WNK1: variants seen among roughly 807,000 people sequenced by gnomAD.
The protein encoded by WNK1 is WNK lysine deficient protein kinase 1, also known as serine/threonine-protein kinase WNK1.
A neutral mutation model predicts 222.8 loss-of-function variants in WNK1; 38 were observed. The observed-to-expected ratio is 0.17, with a 90% confidence interval of 0.13 to 0.22. The LOEUF (loss-of-function observed/expected upper bound fraction) is 0.22. Ranked by LOEUF, WNK1 falls within the 10% of genes least tolerant of loss-of-function variation. WNK1 has a pLI of 1.00. For synonymous variants in WNK1, 1,090 were observed against 1,092.9 expected (o/e 1.00, Z 0.05); for missense variants, 2,348 against 2,918.4 (o/e 0.80, Z 4.50).
chr12:809,100 T>G (rs1203994922), intron 1 of WNK1, among the ~76,000 whole-genome samples: 1 of 151,774 alleles, frequency 6.6e-6, no homozygotes, highest in African/African-American at 2.4e-5. Context: ...TCTTCTTGCT[T>G]CTTTGAAACA....
intron 10 of WNK1, 35 bp from the exon 11 acceptor site, chr12:879,538 A>G (rs1045345990): frequency 1.4e-6 from 1 of 719,276 alleles, no homozygotes; most frequent in Non-Finnish European, 2.0e-6. Context: ...TTTTTTTTTT[A>G]AGCCTGTCTG....
At chr12:763,654 G>C (rs1181344467) in intron 1 of WNK1, among the ~76,000 whole-genome samples, 3 of 147,590 alleles carry the variant, frequency 2.0e-5, no homozygotes, top group African/African-American at 7.3e-5. Flanking sequence ...TTTTTGGACA[G>C]TGGGAAGTGA....
At chr12:878,029 C>A in intron 9 of WNK1, 183 bp from the exon 10 acceptor site, 1 of 746,510 alleles carries the variant, frequency 1.3e-6, no homozygotes, top group African/African-American at 1.8e-5. Flanking sequence ...GTGGCACCAT[C>A]ACAAAGAACA....
intron 1 of WNK1, among the ~76,000 whole-genome samples, chr12:766,184 C>G (rs1016120137): frequency 2.6e-5 from 4 of 152,092 alleles, no homozygotes; most frequent in Admixed American, 6.6e-5. Flanking sequence ...ACTAGAAACC[C>G]TAACCTCACC....
intron 4 of WNK1, chr12:851,279 G>C: frequency 1.4e-6 from 1 of 727,120 alleles, no homozygotes; most frequent in Non-Finnish European, 1.7e-6. Context: ...ATTGGAGGAA[G>C]GGAGTGTTTT....
In WNK1 at chr12:758,075, A is replaced by T. The variant is rs1474383860; in HGVS notation, c.759+3751A>T. Among the ~76,000 whole-genome samples the T allele has an allele frequency of 1.4e-5, 2 of 144,974 alleles. 1 individual carries two copies. Among genetic ancestry groups the T allele is most frequent in the Non-Finnish European group, 3.1e-5 (2 of 65,284 alleles). The stretch of plus-strand genomic sequence containing the variant: ...AAAAAGAAAGAAAGAAAAAGAAAAC[A>T]TTGATGCACAGATTTAAGAATGATT... On this transcript the variant is annotated intron_variant, in intron 1 of 27. Coordinates refer to ENST00000315939, the MANE Select transcript of WNK1 (RefSeq NM_018979.4).
intron 1 of WNK1, among the ~76,000 whole-genome samples, chr12:765,640 C>T (rs1283511777): frequency 2.6e-5 from 4 of 152,002 alleles, no homozygotes; most frequent in South Asian, 2.1e-4. Context: ...AAAAATATAA[C>T]GATATGAGGA....
At chr12:888,766 A>G (rs1229301846) in intron 20 of WNK1, among the ~76,000 whole-genome samples, 1 of 152,248 alleles carries the variant, frequency 6.6e-6, no homozygotes, top group Non-Finnish European at 1.5e-5. Context: ...GAAAGAAAAG[A>G]GGGAACATGA....
intron 8 of WNK1, chr12:865,177 C>G (rs72649836): frequency 6.7e-7 from 1 of 1,500,762 alleles, no homozygotes; most frequent in Non-Finnish European, 8.9e-7. Flanking sequence ...TGTCCCGCAT[C>G]TCTCCCAGTG....
intron 1 of WNK1, among the ~76,000 whole-genome samples, chr12:800,769 G>A (rs1945789174): frequency 6.6e-6 from 1 of 152,188 alleles, no homozygotes; most frequent in Non-Finnish European, 1.5e-5. Context: ...ATGGTAACTG[G>A]TTTTGTTCTG....
chr12:787,910 G>T (rs1944467891), intron 1 of WNK1, among the ~76,000 whole-genome samples: 1 of 152,158 alleles, frequency 6.6e-6, no homozygotes, highest in Admixed American at 6.5e-5. Context: ...ACCATTAGGA[G>T]ATTTTGTATA....
chr12:893,628 CCTGA>C (rs1215770969), intron 22 of WNK1, among the ~76,000 whole-genome samples: 4 of 150,536 alleles, frequency 2.7e-5, no homozygotes, highest in African/African-American at 9.8e-5. Context: ...TCGAGACCAT[CCTGA>C]CTAAGACGGT....
rs1374247512 is a variant in WNK1, at chr12:909,109, A to G, written c.*317A>G. 2 of 347,474 alleles carry G rather than the reference A, an allele frequency of 5.8e-6. No individual in the cohort carries two copies. Among genetic ancestry groups the G allele is most frequent in the Non-Finnish European group, 1.1e-5 (2 of 184,328 alleles). The allele number at this position is 347,474 out of a possible 1,614,324, so 21.5% of individuals were successfully genotyped here. On this transcript the variant is annotated 3_prime_UTR_variant, in exon 28 of 28. Coordinates refer to ENST00000315939, the MANE Select transcript of WNK1 (RefSeq NM_018979.4). The stretch of plus-strand genomic sequence containing the variant: ...GTCTTGTTCATAAGGAAGCTGGAGA[A>G]CTCAATGTAAAATCAAACCCATCTG...
intron 9 of WNK1, among the ~76,000 whole-genome samples, chr12:874,888 C>G (rs1952470043): frequency 6.6e-6 from 1 of 151,568 alleles, no homozygotes; most frequent in Non-Finnish European, 1.5e-5. Context: ...CCAATTATGT[C>G]CAAAAAAAGG....
At chr12:756,570 TTGTC>T (rs1940068763) in intron 1 of WNK1, among the ~76,000 whole-genome samples, 1 of 152,262 alleles carries the variant, frequency 6.6e-6, no homozygotes, top group African/African-American at 2.4e-5. Flanking sequence ...TCCATGTTAT[TTGTC>T]TGTGCTTCTG....
chr12:756,157 T>A (rs1179271200), intron 1 of WNK1, among the ~76,000 whole-genome samples: 1 of 152,250 alleles, frequency 6.6e-6, no homozygotes, highest in Non-Finnish European at 1.5e-5. Context: ...CAATTTTGTT[T>A]TCCTTAACCG....
intron 2 of WNK1, among the ~76,000 whole-genome samples, chr12:824,291 G>A (rs1393160518): frequency 2.0e-5 from 3 of 150,824 alleles, no homozygotes; most frequent in Admixed American, 2.0e-4. Flanking sequence ...GATGTGGTTG[G>A]TTATGGTGAT....
At chr12:848,495 A>G (rs949030199) in intron 4 of WNK1, among the ~76,000 whole-genome samples, 5 of 42,840 alleles carry the variant, frequency 1.2e-4, no homozygotes, top group African/African-American at 1.5e-4. Context: ...GCCAGTAAAA[A>G]CTTTTTTTTT....
chr12:810,402 TG>T (rs1193106567), intron 1 of WNK1, among the ~76,000 whole-genome samples: 1 of 152,246 alleles, frequency 6.6e-6, no homozygotes, highest in African/African-American at 2.4e-5. Context: ...AGAGTTATCA[TG>T]TGTGGTCTTA....
Sources: gnomAD v4.1 joint callset for allele counts (sites outside exome capture counted in the v4.1 genomes callset) on GRCh38, gnomAD v4.1.1 for gene constraint, MANE v1.5 for transcripts, NCBI Gene and HGNC (gene_info 2026-07-23, HGNC 2026-07-21) for gene names.